The following SEZ6L variants were observed in gnomAD, a reference collection of about 807,000 sequenced individuals.
The protein encoded by SEZ6L is seizure related 6 homolog like, also known as seizure 6-like protein.
Under a neutral mutation model 106.2 loss-of-function variants are expected in SEZ6L, and 37 were observed. The observed-to-expected ratio is 0.35, with a 90% confidence interval of 0.27 to 0.46. The LOEUF (loss-of-function observed/expected upper bound fraction) is 0.46, where lower values mean the gene tolerates loss of function less well. Ranked by LOEUF, SEZ6L falls within the 20% of genes least tolerant of loss-of-function variation. The pLI, the probability that SEZ6L is intolerant of heterozygous loss-of-function variation, is 1.00. For synonymous variants in SEZ6L, 541 were observed against 570.4 expected, an observed-to-expected ratio of 0.95 and a Z score of 0.73; for missense variants, 1,172 against 1,332.8, an observed-to-expected ratio of 0.88 and a Z score of 1.88.
At chr22:26,230,415 A>G (rs1372552632) in intron 1 of SEZ6L, among the ~76,000 whole-genome samples, 1 of 152,160 alleles carries the variant, frequency 6.6e-6, no homozygotes, top group Non-Finnish European at 1.5e-5. Flanking sequence ...TCGCTCAGTC[A>G]TTCAACAAAT....
chr22:26,240,449 C>T (rs527769063), intron 1 of SEZ6L, among the ~76,000 whole-genome samples: 6 of 152,118 alleles, frequency 3.9e-5, no homozygotes, highest in East Asian at 1.9e-4. Flanking sequence ...CAAATGGGCA[C>T]GATAATAGTA....
chr22:26,264,204 G>C (rs996804424), intron 1 of SEZ6L, among the ~76,000 whole-genome samples: 1 of 152,232 alleles, frequency 6.6e-6, no homozygotes, highest in African/African-American at 2.4e-5. Context: ...ATTTGCTAGG[G>C]CAAGCACTGC....
Position 26,269,998 on chromosome 22 carries a change from C to T in SEZ6L, c.95-22408C>T, listed in dbSNP as rs569109069. 8.5e-5 allele frequency among the ~76,000 whole-genome samples: 13 copies of T among 152,294 alleles called. No homozygotes were observed. In the South Asian group the frequency reaches 2.5e-3, roughly 29 times the overall value. ...AGGGAAAAGACCCCGGAGAAAGACTCAGAGAAGCAAGGACATGAAAAGTGG... is the reference window on the plus strand; with the variant it reads ...AGGGAAAAGACCCCGGAGAAAGACTTAGAGAAGCAAGGACATGAAAAGTGG... On this transcript the variant is annotated intron_variant, in intron 1 of 16. Coordinates refer to ENST00000248933, the MANE Select transcript of SEZ6L (RefSeq NM_021115.5).
At chr22:26,277,752 C>G (rs925041044) in intron 1 of SEZ6L, among the ~76,000 whole-genome samples, 1 of 152,176 alleles carries the variant, frequency 6.6e-6, no homozygotes, top group Non-Finnish European at 1.5e-5. Flanking sequence ...TGGGGGCCTA[C>G]TATGTGTCAG....
intron 1 of SEZ6L, among the ~76,000 whole-genome samples, chr22:26,197,406 C>T (rs1436867997): frequency 6.6e-6 from 1 of 152,138 alleles, no homozygotes; most frequent in Non-Finnish European, 1.5e-5. Flanking sequence ...TGGGTTTTCG[C>T]AGGTTGGGGA....
intron 1 of SEZ6L, chr22:26,292,191 G>A (rs2081146858): frequency 2.0e-6 from 1 of 497,796 alleles, no homozygotes; most frequent in Non-Finnish European, 3.5e-6. Flanking sequence ...AAGGAGGGAG[G>A]GTGGGAGGAA....
intron 10 of SEZ6L, among the ~76,000 whole-genome samples, chr22:26,344,083 T>A (rs2082932930): frequency 6.6e-6 from 1 of 152,202 alleles, no homozygotes; most frequent in African/African-American, 2.4e-5. Flanking sequence ...AGATAGTAGG[T>A]CAGGGGTTCC....
rs568657774 is a variant in SEZ6L at position 26,239,927 on chromosome 22, A to G, written c.95-52479A>G. 3.0e-4 allele frequency among the ~76,000 whole-genome samples: 44 copies of G among 144,956 alleles called. 1 individual carries two copies. In the South Asian group the frequency reaches 9.8e-3, roughly 32 times the overall value. ...CCCACAACCGCACACAGCCCCCTCC[A>G]CCCGCACCTTCACCTCACCCTTGGC... is the stretch of plus-strand genomic sequence containing the variant. On this transcript the variant is annotated intron_variant, in intron 1 of 16. Coordinates refer to ENST00000248933, the MANE Select transcript of SEZ6L (RefSeq NM_021115.5).
intron 5 of SEZ6L, among the ~76,000 whole-genome samples, chr22:26,300,688 T>C (rs2081428119): frequency 6.6e-6 from 1 of 152,214 alleles, no homozygotes; most frequent in South Asian, 2.1e-4. Flanking sequence ...GATTGCTGGG[T>C]CAAATGGTAT....
At chr22:26,337,399 G>A (rs2082679875) in intron 9 of SEZ6L, among the ~76,000 whole-genome samples, 1 of 152,284 alleles carries the variant, frequency 6.6e-6, no homozygotes, top group South Asian at 2.1e-4. Flanking sequence ...TGTTACCAGC[G>A]GATCAGCTGT....
intron 1 of SEZ6L, among the ~76,000 whole-genome samples, chr22:26,189,129 C>A (rs1344696253): frequency 3.3e-5 from 5 of 152,024 alleles, no homozygotes; most frequent in Non-Finnish European, 7.4e-5. Context: ...TGTCAATAGT[C>A]AATTAAAATT....
Position 26,364,281 on chromosome 22 carries a change from G to A in SEZ6L, c.2600-1091G>A, listed in dbSNP as rs532816838. On this transcript the variant is annotated intron_variant, in intron 12 of 16. Transcript: ENST00000248933. ...TGAAAAAGGACTAGATCTCACATGC[G>A]GCCTGGAATGGGTTAAACCTGCAGG... 7.2e-5 allele frequency among the ~76,000 whole-genome samples: 11 copies of A among 152,162 alleles called. No individual in the cohort carries two copies. The South Asian group carries it at 1.2e-3, about 17-fold the overall frequency.
chr22:26,288,177 C>T (rs2080997375), intron 1 of SEZ6L, among the ~76,000 whole-genome samples: 1 of 152,204 alleles, frequency 6.6e-6, no homozygotes, highest in Admixed American at 6.5e-5. Flanking sequence ...TCACCATCTG[C>T]TGCACAAACC....
intron 1 of SEZ6L, among the ~76,000 whole-genome samples, chr22:26,172,020 G>A (rs1473375454): frequency 3.3e-5 from 5 of 152,010 alleles, no homozygotes; most frequent in Admixed American, 6.6e-5. Flanking sequence ...TGCAGGTCAC[G>A]TGGTTCTCTG....
chr22:26,226,208 C>T (rs935726149), intron 1 of SEZ6L, among the ~76,000 whole-genome samples: 3 of 152,216 alleles, frequency 2.0e-5, no homozygotes, highest in African/African-American at 7.2e-5. Flanking sequence ...TCAAAACACA[C>T]ATCTGCCAAT....
chr22:26,314,019 A>T, intron 9 of SEZ6L, 117 bp downstream of exon 9: 2 of 1,048,332 alleles, frequency 1.9e-6, no homozygotes, highest in African/African-American at 1.6e-5. Context: ...ATGTGCCGGG[A>T]CTATGCAGAG....
intron 10 of SEZ6L, among the ~76,000 whole-genome samples, chr22:26,346,137 C>A (rs1317614718): frequency 6.6e-6 from 1 of 152,162 alleles, no homozygotes; most frequent in Non-Finnish European, 1.5e-5. Context: ...AAGCAATCCT[C>A]CCACCTCAGC....
intron 9 of SEZ6L, among the ~76,000 whole-genome samples, chr22:26,315,410 T>C (rs2081969016): frequency 6.6e-6 from 1 of 151,944 alleles, no homozygotes; most frequent in Non-Finnish European, 1.5e-5. Context: ...GCCTGGGAAA[T>C]TGAGGCTGCA....
At chr22:26,348,674 GAAA>G (rs2083136191) in intron 11 of SEZ6L, among the ~76,000 whole-genome samples, 1 of 73,874 alleles carries the variant, frequency 1.4e-5, no homozygotes, top group Non-Finnish European at 2.6e-5. Context: ...AAGAAAGAAA[GAAA>G]GAAAGAAAGA....
Sources: gnomAD v4.1 joint callset for allele counts (sites outside exome capture counted in the v4.1 genomes callset) on GRCh38, gnomAD v4.1.1 for gene constraint, MANE v1.5 for transcripts, NCBI Gene and HGNC (gene_info 2026-07-23, HGNC 2026-07-21) for gene names.